The following SGCZ variants were observed in gnomAD, a reference collection of about 807,000 sequenced individuals.
SGCZ encodes sarcoglycan zeta.
A neutral mutation model predicts 41.3 loss-of-function variants in SGCZ; 40 were observed. The observed-to-expected ratio is 0.97, with a 90% CI of 0.75 to 1.26. The LOEUF is 1.26. Among genes scored for constraint, SGCZ ranks in the 50% most tolerant of loss-of-function variants. SGCZ has a pLI of 0.00. For synonymous variants in SGCZ, 206 were observed against 137.5 expected, an observed-to-expected ratio of 1.50 and a Z score of -3.49; for missense variants, 552 against 369.8, an observed-to-expected ratio of 1.49 and a Z score of -4.04.
At chr8:14,557,225 A>G (rs1054478197) in intron 1 of SGCZ, among the ~76,000 whole-genome samples, 1 of 150,564 alleles carries the variant, frequency 6.6e-6, no homozygotes, top group Admixed American at 6.6e-5. Flanking sequence ...GGTCATTTGT[A>G]TATCTTTTTT....
intron 4 of SGCZ, among the ~76,000 whole-genome samples, chr8:14,235,506 G>C (rs1316951590): frequency 6.6e-6 from 1 of 152,122 alleles, no homozygotes; most frequent in Non-Finnish European, 1.5e-5. Context: ...ATTAAAATCA[G>C]TTTGGAACGG....
chr8:14,765,403 C>G (rs1800006863), intron 1 of SGCZ, among the ~76,000 whole-genome samples: 1 of 152,130 alleles, frequency 6.6e-6, no homozygotes, highest in Admixed American at 6.5e-5. Flanking sequence ...ATCTTATTTT[C>G]TCATATGCTA....
intron 1 of SGCZ, among the ~76,000 whole-genome samples, chr8:14,896,419 T>C (rs1172913076): frequency 2.7e-5 from 4 of 150,836 alleles, no homozygotes; most frequent in Non-Finnish European, 5.9e-5. Flanking sequence ...CATTTCATGT[T>C]GACTCATGAT....
intron 1 of SGCZ, among the ~76,000 whole-genome samples, chr8:15,148,494 A>C (rs1323688351): frequency 6.6e-6 from 1 of 152,210 alleles, no homozygotes; most frequent in African/African-American, 2.4e-5. Context: ...AGCAAATCGA[A>C]GGTTGAAGCA....
At chr8:14,988,907 G>A (rs1801917316) in intron 1 of SGCZ, among the ~76,000 whole-genome samples, 2 of 152,132 alleles carry the variant, frequency 1.3e-5, no homozygotes. Context: ...AACATTTGTG[G>A]GGAGGGGGGG....
At chr8:14,656,465 C>T (rs1461780843) in intron 1 of SGCZ, among the ~76,000 whole-genome samples, 1 of 140,036 alleles carries the variant, frequency 7.1e-6, no homozygotes, top group Admixed American at 7.4e-5. Flanking sequence ...CTTTTCTTTT[C>T]GTTTTTTCTT....
intron 1 of SGCZ, among the ~76,000 whole-genome samples, chr8:14,826,846 A>G (rs1802342250): frequency 6.6e-6 from 1 of 152,144 alleles, no homozygotes; most frequent in East Asian, 1.9e-4. Flanking sequence ...CTTTTCTCAG[A>G]TGAGTAGGTT....
In SGCZ at chr8:14,646,735, A is replaced by C. The variant is rs548140996; in HGVS notation, c.40-91809T>G. ...TACTAGTAGAAATATTAAAAAAATG[A>C]CATTACTTATTAAAAATTATTTTGT... On this transcript the variant is annotated intron_variant, in intron 1 of 7. Transcript: ENST00000382080. 9.3e-4 allele frequency among the ~76,000 whole-genome samples: 141 copies of C among 152,056 alleles called. 1 individual carries two copies. The highest frequency in any genetic ancestry group is 2.1e-4 in the Non-Finnish European group (14 of 67,918).
At chr8:14,297,166 G>A (rs748717313) in intron 3 of SGCZ, among the ~76,000 whole-genome samples, 5 of 151,994 alleles carry the variant, frequency 3.3e-5, no homozygotes, top group East Asian at 1.9e-4. Flanking sequence ...CAGGTGATCC[G>A]CCCACCTCGG....
intron 1 of SGCZ, among the ~76,000 whole-genome samples, chr8:14,826,844 A>C (rs1037112872): frequency 6.6e-6 from 1 of 152,212 alleles, no homozygotes; most frequent in Non-Finnish European, 1.5e-5. Context: ...GCCTTTTCTC[A>C]GATGAGTAGG....
chr8:15,151,517 C>T (rs1225057362), intron 1 of SGCZ, among the ~76,000 whole-genome samples: 1 of 151,956 alleles, frequency 6.6e-6, no homozygotes, highest in Non-Finnish European at 1.5e-5. Context: ...ATGTGAAAGG[C>T]CTAAATAGGA....
At chr8:14,965,083 T>A (rs966615014) in intron 1 of SGCZ, among the ~76,000 whole-genome samples, 13 of 152,098 alleles carry the variant, frequency 8.5e-5, no homozygotes, top group African/African-American at 2.4e-4. Context: ...AATATGTTTC[T>A]TGGGAGTGGG....
At chr8:14,533,057 C>T (rs1029083313) in intron 2 of SGCZ, among the ~76,000 whole-genome samples, 1 of 151,932 alleles carries the variant, frequency 6.6e-6, no homozygotes, top group Admixed American at 6.6e-5. Context: ...AGGTTTGTTA[C>T]ATATATATAC....
At chr8:14,649,134 A>G (rs577868261) in intron 1 of SGCZ, among the ~76,000 whole-genome samples, 2 of 152,266 alleles carry the variant, frequency 1.3e-5, no homozygotes, top group African/African-American at 2.4e-5. Context: ...GGATATTTCC[A>G]AAGAGGATAT....
At chr8:14,568,456 A>AAC (rs1479616461) in intron 1 of SGCZ, among the ~76,000 whole-genome samples, 9 of 151,828 alleles carry the variant, frequency 5.9e-5, no homozygotes, top group Admixed American at 5.2e-4. Flanking sequence ...AAAAAAAAAA[A>AAC]AAAACTAAAG....
chr8:14,382,739 G>C (rs998583243), intron 2 of SGCZ, among the ~76,000 whole-genome samples: 4 of 152,128 alleles, frequency 2.6e-5, no homozygotes, highest in African/African-American at 9.7e-5. Flanking sequence ...TGAATACTTG[G>C]GTGATTTTAA....
At chr8:15,237,102 G>A (rs921876574) in intron 1 of SGCZ, among the ~76,000 whole-genome samples, 1 of 152,228 alleles carries the variant, frequency 6.6e-6, no homozygotes, top group African/African-American at 2.4e-5. Flanking sequence ...AGATGCCTCT[G>A]TCACGCGAAT....
chr8:14,114,840 G>C (rs1172020274), intron 5 of SGCZ, among the ~76,000 whole-genome samples: 1 of 151,860 alleles, frequency 6.6e-6, no homozygotes, highest in African/African-American at 2.4e-5. Flanking sequence ...GTTTCTCTGA[G>C]TTTTAGGAGG....
At chr8:15,080,600 T>G (rs117482773) in intron 1 of SGCZ, among the ~76,000 whole-genome samples, 5,248 of 152,056 alleles carry the variant, frequency 0.035, 122 homozygotes, top group South Asian at 0.055. Context: ...TTTATTTATT[T>G]ATTTATTTTG....
Sources: gnomAD v4.1 joint callset for allele counts (sites outside exome capture counted in the v4.1 genomes callset) on GRCh38, gnomAD v4.1.1 for gene constraint, MANE v1.5 for transcripts, NCBI Gene and HGNC (gene_info 2026-07-23, HGNC 2026-07-21) for gene names.